RAB10: variants seen among roughly 807,000 people sequenced by gnomAD.
RAB10 encodes RAB10, member RAS oncogene family.
A neutral mutation model predicts 25.7 loss-of-function variants in RAB10; 5 were observed. That is an observed-to-expected ratio of 0.19 (90% CI 0.10 to 0.41). The LOEUF (loss-of-function observed/expected upper bound fraction) is 0.41. Ranked by LOEUF, RAB10 falls within the 10% of genes least tolerant of loss-of-function variation. The pLI is 1.00. For synonymous variants in RAB10, 89 were observed against 86.4 expected (o/e 1.03, Z -0.16); for missense variants, 103 against 245.8 (o/e 0.42, Z 3.89).
chr2:26,126,833 G>A (rs1470197956), intron 3 of RAB10, among the ~76,000 whole-genome samples: 1 of 152,170 alleles, frequency 6.6e-6, no homozygotes, highest in East Asian at 1.9e-4. Flanking sequence ...ATCCAGCCTG[G>A]ATTTAGATTA....
chr2:26,135,058 C>G lies in RAB10; in HGVS notation c.*37C>G. 12 of 1,523,746 alleles carry G rather than the reference C, an allele frequency of 7.9e-6. No homozygotes were observed. The highest frequency in any genetic ancestry group is 9.9e-6 in the Non-Finnish European group (11 of 1,105,560). The allele number at this position is 1,523,746 out of a possible 1,614,324, so 94.4% of individuals were successfully genotyped here. On this transcript the variant is annotated 3_prime_UTR_variant, in exon 6 of 6. Coordinates refer to ENST00000264710, the MANE Select transcript of RAB10 (RefSeq NM_016131.5). ...TTCCATCAGTTGCCATCCACTACCC[C>G]GTTTTCTCTTCTTGCTGCAAAATAA...
At chr2:26,117,930 T>C (rs1339973523) in intron 3 of RAB10, among the ~76,000 whole-genome samples, 1 of 152,178 alleles carries the variant, frequency 6.6e-6, no homozygotes, top group African/African-American at 2.4e-5. Context: ...GACAAATCCT[T>C]AGGAAACCCA....
intron 3 of RAB10, among the ~76,000 whole-genome samples, chr2:26,111,595 A>G (rs1261321098): frequency 8.0e-6 from 1 of 125,342 alleles, no homozygotes; most frequent in Non-Finnish European, 1.7e-5. Flanking sequence ...AACAAGAGCG[A>G]AACTCCATCT....
chr2:26,050,959 C>T (rs1666118470), intron 1 of RAB10, among the ~76,000 whole-genome samples: 2 of 151,738 alleles, frequency 1.3e-5, no homozygotes, highest in Non-Finnish European at 2.9e-5. Flanking sequence ...TGCTCTGTCT[C>T]CCAGGCTAGA....
At chr2:26,115,974 C>T (rs1667680544) in intron 3 of RAB10, among the ~76,000 whole-genome samples, 1 of 151,624 alleles carries the variant, frequency 6.6e-6, no homozygotes, top group Admixed American at 6.6e-5. Flanking sequence ...ATTCTTCTGC[C>T]TCAGCCTCCT....
intron 1 of RAB10, among the ~76,000 whole-genome samples, chr2:26,060,576 A>T (rs908127094): frequency 6.6e-6 from 1 of 152,156 alleles, no homozygotes; most frequent in African/African-American, 2.4e-5. Context: ...GCATGAGCCA[A>T]CGTGCCCGGC....
intron 1 of RAB10, among the ~76,000 whole-genome samples, chr2:26,092,939 A>C (rs547446220): frequency 6.6e-6 from 1 of 152,254 alleles, no homozygotes; most frequent in East Asian, 1.9e-4. Context: ...GTGTATGAGA[A>C]ACATAATGGG....
intron 2 of RAB10, among the ~76,000 whole-genome samples, chr2:26,100,124 T>G (rs1183772857): frequency 6.6e-6 from 1 of 152,198 alleles, no homozygotes. Flanking sequence ...TAGCCACAGC[T>G]GCTTGTTTAT....
At chr2:26,056,964 C>T (rs1256480811) in intron 1 of RAB10, among the ~76,000 whole-genome samples, 2 of 152,142 alleles carry the variant, frequency 1.3e-5, no homozygotes, top group Non-Finnish European at 2.9e-5. Flanking sequence ...TCTGATCTGA[C>T]AATAAGCTTG....
At chr2:26,041,654 C>T (rs1665889601) in intron 1 of RAB10, among the ~76,000 whole-genome samples, 1 of 151,814 alleles carries the variant, frequency 6.6e-6, no homozygotes, top group South Asian at 2.1e-4. Context: ...GCCTGTAATC[C>T]CAGCACTTTG....
chr2:26,108,345 G>A (rs1387453527), intron 2 of RAB10, among the ~76,000 whole-genome samples: 2 of 152,162 alleles, frequency 1.3e-5, no homozygotes, highest in African/African-American at 4.8e-5. Flanking sequence ...AGGATTATGT[G>A]CAAAACTTGA....
intron 1 of RAB10, among the ~76,000 whole-genome samples, chr2:26,056,870 C>G (rs985020180): frequency 4.6e-5 from 7 of 152,118 alleles, no homozygotes; most frequent in African/African-American, 1.7e-4. Context: ...TCAAGCGATC[C>G]TCTTGCCTCC....
intron 3 of RAB10, among the ~76,000 whole-genome samples, chr2:26,120,691 A>G (rs963647450): frequency 6.7e-6 from 1 of 150,266 alleles, no homozygotes; most frequent in African/African-American, 2.5e-5. Flanking sequence ...CCGGGTTCAC[A>G]CCATTCTCCT....
chr2:26,087,548 G>A lies in RAB10; in HGVS notation c.128-11114G>A, dbSNP rs181226812. 1.8e-3 allele frequency among the ~76,000 whole-genome samples: 277 copies of A among 152,128 alleles called. 1 individual carries two copies. Among genetic ancestry groups the A allele is most frequent in the African/African-American group, 5.0e-3 (207 of 41,498 alleles). The stretch of plus-strand genomic sequence containing the variant: ...CTCCCTGGTAGCTGGGATTACAGGC[G>A]CCTGCCACCATGCCCAGCTAATTTT... On this transcript the variant is annotated intron_variant, in intron 1 of 5. Transcript: ENST00000264710.
At chr2:26,127,273 G>C in intron 4 of RAB10, 40 bp downstream of exon 4, 2 of 1,380,830 alleles carry the variant, frequency 1.4e-6, no homozygotes, top group South Asian at 2.5e-5. Flanking sequence ...CTCTGTCTTT[G>C]TAAAGGTAAT....
chr2:26,051,288 TGGA>T (rs1297805182), intron 1 of RAB10, among the ~76,000 whole-genome samples: 1 of 151,214 alleles, frequency 6.6e-6, no homozygotes, highest in Non-Finnish European at 1.5e-5. Context: ...TTTCTCTTCT[TGGA>T]GGATAGCTTA....
chr2:26,075,361 A>G (rs1310161657), intron 1 of RAB10, among the ~76,000 whole-genome samples: 1 of 152,066 alleles, frequency 6.6e-6, no homozygotes, highest in East Asian at 1.9e-4. Context: ...TAAGTCATGT[A>G]TTGCCCGATA....
upstream of RAB10, chr2:26,034,052 T>G (rs1031751572): frequency 5.0e-6 from 2 of 400,292 alleles, no homozygotes; most frequent in East Asian, 3.6e-5. Context: ...GGCTAGGGCG[T>G]GAGGGAAGGG....
At chr2:26,053,690 A>G (rs138678544) in intron 1 of RAB10, among the ~76,000 whole-genome samples, 115 of 152,038 alleles carry the variant, frequency 7.6e-4, no homozygotes, top group African/African-American at 2.6e-3. Context: ...CTTTCCTTAA[A>G]TTAGATATTA....
Sources: gnomAD v4.1 joint callset for allele counts (sites outside exome capture counted in the v4.1 genomes callset) on GRCh38, gnomAD v4.1.1 for gene constraint, MANE v1.5 for transcripts, NCBI Gene and HGNC (gene_info 2026-07-23, HGNC 2026-07-21) for gene names.